NAV3: variants seen among roughly 807,000 people sequenced by gnomAD.
The protein encoded by NAV3 is neuron navigator 3, also known as pore membrane and/or filament interacting like protein 1.
NAV3 carries 87 observed loss-of-function variants against 244.7 expected under a neutral mutation model. The observed-to-expected ratio is 0.36, with a 90% CI of 0.30 to 0.42. NAV3 has a LOEUF of 0.42. Ranked by LOEUF, NAV3 falls within the 20% of genes least tolerant of loss-of-function variation. The probability of loss-of-function intolerance (pLI) is 1.00; values close to 1 mark genes in which losing one functional copy is unlikely to be tolerated. For missense variants in NAV3, 2,663 were observed against 2,893.3 expected, an observed-to-expected ratio of 0.92 and a Z score of 1.83; for synonymous variants, 1,126 against 1,042.2, an observed-to-expected ratio of 1.08 and a Z score of -1.55.
rs1256248454 is a variant in NAV3, at chr12:78,210,990, T to C, written c.*473T>C. The C allele has an allele frequency of 6.5e-6, 1 of 154,926 alleles. No homozygotes were observed. The highest frequency in any genetic ancestry group is 1.4e-5 in the Non-Finnish European group (1 of 69,820). 9.6% of individuals were successfully genotyped at this position (154,926 alleles called of 1,614,324 possible). Reference sequence around the variant, plus strand: ...GGTCACAGGGCTTCAGTAGTGTTTGTGTTGTGCGCTCACCCCATTCCAGAA... The same window carrying C: ...GGTCACAGGGCTTCAGTAGTGTTTGCGTTGTGCGCTCACCCCATTCCAGAA... On this transcript the variant is annotated 3_prime_UTR_variant, in exon 40 of 40. Coordinates refer to ENST00000397909, the MANE Select transcript of NAV3 (RefSeq NM_001024383.2).
chr12:78,067,185 T>G (rs1367461669), intron 12 of NAV3, among the ~76,000 whole-genome samples: 1 of 152,106 alleles, frequency 6.6e-6, no homozygotes, highest in Non-Finnish European at 1.5e-5. Flanking sequence ...GTTGATTTGT[T>G]CCAGTACAAT....
At chr12:78,098,411 G>A (rs1172114691) in intron 12 of NAV3, among the ~76,000 whole-genome samples, 2 of 151,734 alleles carry the variant, frequency 1.3e-5, no homozygotes, top group East Asian at 1.9e-4. Context: ...GGAAAACATG[G>A]TAATCACTAA....
rs1183875701 is a variant in NAV3 at position 78,162,981 on chromosome 12, CAT to C, written c.4869+3699_4869+3700del. ...TTATATATATAATATATAATTAAAA[CAT>C]ATAGGATTTCAGGTGATGATAAGCA... On this transcript the variant is annotated intron_variant, in intron 23 of 39. Coordinates refer to ENST00000397909, the MANE Select transcript of NAV3 (RefSeq NM_001024383.2). Among the ~76,000 whole-genome samples the C allele has an allele frequency of 4.5e-5, 6 of 133,990 alleles. No homozygotes were observed. In the South Asian group the frequency reaches 1.2e-3, roughly 26 times the overall value. The allele number at this position is 133,990 out of a possible 152,430, so 87.9% of individuals were successfully genotyped here.
At chr12:77,704,093 A>G (rs1875683732) in intron 2 of NAV3, among the ~76,000 whole-genome samples, 1 of 152,218 alleles carries the variant, frequency 6.6e-6, no homozygotes, top group South Asian at 2.1e-4. Flanking sequence ...ACATATATTG[A>G]GTAAACACAT....
intron 1 of NAV3, among the ~76,000 whole-genome samples, chr12:77,898,143 A>G (rs565892277): frequency 6.6e-6 from 1 of 152,358 alleles, no homozygotes; most frequent in Admixed American, 6.5e-5. Flanking sequence ...ACACACTTGA[A>G]CAAACACTAG....
At chr12:77,778,656 G>A (rs1169464330) in intron 2 of NAV3, among the ~76,000 whole-genome samples, 1 of 151,766 alleles carries the variant, frequency 6.6e-6, no homozygotes, top group Admixed American at 6.6e-5. Flanking sequence ...ATTAACAATG[G>A]GAAAGAGACT....
intron 2 of NAV3, among the ~76,000 whole-genome samples, chr12:77,599,781 T>C (rs1565731363): frequency 6.6e-6 from 1 of 151,958 alleles, no homozygotes; most frequent in Non-Finnish European, 1.5e-5. Context: ...TTTTCTTCTA[T>C]TATAAAATAC....
intron 1 of NAV3, among the ~76,000 whole-genome samples, chr12:77,886,739 CT>C (rs1457702528): frequency 6.6e-6 from 1 of 152,036 alleles, no homozygotes; most frequent in Non-Finnish European, 1.5e-5. Flanking sequence ...TAGAAAAATT[CT>C]TTTTTTCTTA....
chr12:77,649,356 T>C (rs1394350339), intron 2 of NAV3, among the ~76,000 whole-genome samples: 2 of 152,152 alleles, frequency 1.3e-5, no homozygotes, highest in Non-Finnish European at 2.9e-5. Context: ...GAGAGGTAAT[T>C]GGTTAAATGT....
intron 1 of NAV3, among the ~76,000 whole-genome samples, chr12:77,841,851 G>A (rs1875714702): frequency 6.6e-6 from 1 of 152,152 alleles, no homozygotes; most frequent in Non-Finnish European, 1.5e-5. Flanking sequence ...GAGAGAAAAT[G>A]GAGGATTGCA....
At chr12:77,904,713 A>G (rs1287300222) in intron 1 of NAV3, among the ~76,000 whole-genome samples, 2 of 152,174 alleles carry the variant, frequency 1.3e-5, no homozygotes, top group Non-Finnish European at 2.9e-5. Flanking sequence ...CCAAGCTAAC[A>G]GGGAACAGAA....
At chr12:78,078,305 G>GCT (rs1953157517) in intron 12 of NAV3, among the ~76,000 whole-genome samples, 2 of 141,688 alleles carry the variant, frequency 1.4e-5, no homozygotes, top group East Asian at 4.4e-4. Flanking sequence ...CATTCTCTTT[G>GCT]CTCTACATCA....
chr12:77,704,521 T>C lies in NAV3; in HGVS notation c.72+132255T>C, dbSNP rs570257616. Among the ~76,000 whole-genome samples the C allele has an allele frequency of 1.6e-3, 249 of 152,310 alleles. 1 individual carries two copies. The highest frequency in any genetic ancestry group is 3.1e-3 in the Non-Finnish European group (208 of 68,010). On this transcript the variant is annotated intron_variant, in intron 2 of 8. Transcript: ENST00000550042. The stretch of plus-strand genomic sequence containing the variant: ...AAATCTTATGACAATCCAGCAATTG[T>C]TGCAGATTTAATTACCTCATATAAA...
At chr12:78,099,071 G>A (rs1252144140) in intron 12 of NAV3, among the ~76,000 whole-genome samples, 2 of 151,244 alleles carry the variant, frequency 1.3e-5, no homozygotes, top group African/African-American at 4.8e-5. Flanking sequence ...AAACCTGTGA[G>A]TCAGTAATTC....
At chr12:78,123,083 A>T (rs894051520) in intron 16 of NAV3, among the ~76,000 whole-genome samples, 2 of 152,102 alleles carry the variant, frequency 1.3e-5, no homozygotes, top group African/African-American at 4.8e-5. Flanking sequence ...TTTCTTACCT[A>T]ATATGCTTAC....
chr12:77,794,276 G>T (rs1455609597), intron 2 of NAV3, among the ~76,000 whole-genome samples: 1 of 152,160 alleles, frequency 6.6e-6, no homozygotes, highest in Admixed American at 6.5e-5. Context: ...GGGAAGAAAA[G>T]CACTGAATTT....
chr12:77,721,053 G>A (rs545246792), intron 2 of NAV3, among the ~76,000 whole-genome samples: 6 of 152,046 alleles, frequency 3.9e-5, no homozygotes, highest in Non-Finnish European at 5.9e-5. Context: ...TCTGGTAATC[G>A]GAGGAGCATG....
In NAV3 at chr12:78,050,846, C is replaced by T. The variant is rs945164074; in HGVS notation, c.2215C>T (p.Pro739Ser). ...TIPNLTSRPTPMTWRLGQACP... is the reference protein window; with the variant it reads ...TIPNLTSRPTSMTWRLGQACP... ...ACCCAACTTGACAAGTCGACCCACCCCCATGACCTGGAGGTTGGGCCAGGC... is the reference window on the plus strand; with the variant it reads ...ACCCAACTTGACAAGTCGACCCACCTCCATGACCTGGAGGTTGGGCCAGGC... The change falls in exon 11 of 40, where the codon CCC (proline) becomes TCC (serine). Residue 739 changes from proline to serine, a missense_variant. Pro to Ser is a moderately conservative substitution (Grantham distance 74, BLOSUM62 -1). Coordinates refer to ENST00000397909, the MANE Select transcript of NAV3 (RefSeq NM_001024383.2). 1.2e-6 allele frequency: 2 copies of T among 1,614,054 alleles called. No homozygotes were observed. The highest frequency in any genetic ancestry group is 2.2e-5 in the East Asian group (1 of 44,854).
chr12:77,899,451 C>G (rs765557884), intron 1 of NAV3, among the ~76,000 whole-genome samples: 5 of 152,162 alleles, frequency 3.3e-5, no homozygotes, highest in Non-Finnish European at 7.3e-5. Context: ...AGACTTCCAA[C>G]CAGCAAGAAG....
Sources: allele counts gnomAD v4.1 joint callset (sites outside exome capture counted in the v4.1 genomes callset), GRCh38; gene constraint gnomAD v4.1.1; transcripts MANE v1.5; gene names NCBI Gene and HGNC (gene_info 2026-07-23, HGNC 2026-07-21).